The following ZNF182 variants were observed in gnomAD, a reference collection of about 807,000 sequenced individuals.
ZNF182 encodes zinc finger protein 182.
ZNF182 carries 10 observed loss-of-function variants against 28.1 expected under a neutral mutation model. The ratio of observed to expected loss-of-function variants is 0.36; its 90% CI spans 0.22 to 0.60. The LOEUF is 0.60. Ranked by LOEUF, ZNF182 falls within the 20% of genes least tolerant of loss-of-function variation. The pLI, the probability that ZNF182 is intolerant of heterozygous loss-of-function variation, is 0.75. For synonymous variants in ZNF182, 156 were observed against 158.7 expected (o/e 0.98, Z 0.13); for missense variants, 352 against 453.2 (o/e 0.78, Z 2.03).
chrX:48,002,526 AG>A (rs2058981580), intron 3 of ZNF182, 68 bp downstream of exon 3: 1 of 1,169,076 alleles, frequency 8.6e-7, no homozygotes, highest in Non-Finnish European at 1.2e-6. Context: ...ATTTTATGGC[AG>A]GGATTTCCAC....
At chrX:47,980,551 A>G (rs781821118) in intron 5 of ZNF182, among the ~76,000 whole-genome samples, 1 of 112,227 alleles carries the variant, frequency 8.9e-6, no homozygotes, top group African/African-American at 3.2e-5. Context: ...ACATCACACC[A>G]TACTCCATAA....
In ZNF182 at chrX:47,983,274, G is replaced by A; in HGVS notation, c.142+11C>T. 1.7e-6 allele frequency: 2 copies of A among 1,211,263 alleles called. No individual in the cohort carries two copies. ...ATAAACTGCAAAATTACCTAAGGAAGCTATTCTTACCCACAAAGACCAAGT... is the reference window on the plus strand; with the variant it reads ...ATAAACTGCAAAATTACCTAAGGAAACTATTCTTACCCACAAAGACCAAGT... On this transcript the variant is annotated intron_variant, in intron 4 of 5. Transcript: ENST00000376943.
Position 47,983,025 on chromosome X carries a change from G to A in ZNF182, c.156C>T (p.Thr52=), listed in dbSNP as rs368158358. ...SNLVFVGQQV[T]KPNLILKLEV... ...CCAACTTGAGGATGAGGTTTGGTTT[G>A]GTAACCTGCTGCCCTGTTGATGAGA... Residue 52 remains threonine (T), a synonymous_variant, in exon 5 of 6, where the codon ACC becomes ACT. Transcript: ENST00000376943. The A allele has an allele frequency of 2.9e-4, 355 of 1,209,199 alleles. No individual in the cohort carries two copies. Among genetic ancestry groups the A allele is most frequent in the Non-Finnish European group, 3.8e-4 (342 of 894,823 alleles).
rs782220110 is a variant in ZNF182 at position 47,990,215 on chromosome X, T to A, written c.16-6804A>T. On this transcript the variant is annotated intron_variant, in intron 3 of 5. Transcript: ENST00000376943. ...AAAATACAAATCAGGCACCCTCCCCTAAATAATATGGGCAAGAGCCTTCCT... is the reference window on the plus strand; with the variant it reads ...AAAATACAAATCAGGCACCCTCCCCAAAATAATATGGGCAAGAGCCTTCCT... Among the ~76,000 whole-genome samples, 3 of 111,391 alleles carry A rather than the reference T, an allele frequency of 2.7e-5. No homozygotes were observed. The East Asian group carries it at 8.5e-4, about 31-fold the overall frequency.
chrX:47,976,768 G>C lies in ZNF182; in HGVS notation c.1262C>G (p.Thr421Arg), dbSNP rs374396469. Residue 421 changes from threonine (T) to arginine (R), a missense_variant, in exon 6 of 6, where the codon ACG becomes AGG. Transcript: ENST00000376943. ...YECDVCGKTFTQKSNLGVHQR... is the reference protein window; with the variant it reads ...YECDVCGKTFRQKSNLGVHQR... ...ATGTACACCAAGGTTTGACTTTTGC[G>C]TGAAGGTTTTTCCACACACATCACA... The C allele has an allele frequency of 2.5e-6, 3 of 1,208,979 alleles. No homozygotes were observed. Among genetic ancestry groups the C allele is most frequent in the African/African-American group, 3.5e-5 (2 of 56,931 alleles).
chrX:47,976,547 A>T lies in ZNF182; in HGVS notation c.1483T>A (p.Tyr495Asn). Reference sequence around the variant, plus strand: ...GCTTTGCCACATTCATTACATTTATAGGGTTTTTCTTCTGTATGAGTTCTT... The same window carrying T: ...GCTTTGCCACATTCATTACATTTATTGGGTTTTTCTTCTGTATGAGTTCTT... ...HQRTHTEEKP[Y>N]KCNECGKAFR... Residue 495 changes from tyrosine to asparagine, a missense_variant, in exon 6 of 6, where the codon TAT (tyrosine) becomes AAT (asparagine). By Grantham distance (143) the Tyr-to-Asn change is moderately radical. Transcript: ENST00000376943. The T allele has an allele frequency of 8.3e-7, 1 of 1,207,298 alleles. No homozygotes were observed. Among genetic ancestry groups the T allele is most frequent in the Non-Finnish European group, 1.1e-6 (1 of 894,017 alleles).
At chrX:47,994,288 C>T (rs2058950972) in intron 3 of ZNF182, among the ~76,000 whole-genome samples, 1 of 112,294 alleles carries the variant, frequency 8.9e-6, no homozygotes, top group African/African-American at 3.2e-5. Flanking sequence ...CTGTCTACCA[C>T]CAATTCTATA....
intron 2 of ZNF182, among the ~76,000 whole-genome samples, chrX:48,002,914 A>C (rs1223084399): frequency 8.9e-6 from 1 of 112,657 alleles, no homozygotes; most frequent in African/African-American, 3.2e-5. Context: ...CCTTAAGGAA[A>C]TAATTTATCA....
At chrX:47,995,521 G>A (rs1435712664) in intron 3 of ZNF182, among the ~76,000 whole-genome samples, 1 of 111,591 alleles carries the variant, frequency 9.0e-6, no homozygotes, top group Non-Finnish European at 1.9e-5. Context: ...AACAGATTCT[G>A]GGACCTCTGG....
At chrX:47,983,556 T>C (rs782419986) in intron 3 of ZNF182, 145 bp from the exon 4 acceptor site, 24 of 635,664 alleles carry the variant, frequency 3.8e-5, no homozygotes, top group Admixed American at 2.7e-4. Flanking sequence ...TGATCTACTT[T>C]GTGGGAGAAT....
chrX:47,997,332 A>G (rs1361350925), intron 3 of ZNF182, among the ~76,000 whole-genome samples: 1 of 108,587 alleles, frequency 9.2e-6, no homozygotes, highest in Non-Finnish European at 1.9e-5. Flanking sequence ...AAAAAAAAAA[A>G]CACAACATAC....
Position 47,976,378 on chromosome X carries a change from T to C in ZNF182, c.1652A>G (p.Tyr551Cys). ...HQRTHTGEKP[Y>C]ACTECGKAFR... Reference sequence around the variant, plus strand: ...GGCTTTGCCACACTCAGTGCATGCATAGGGTTTCTCTCCCGTGTGCGTTCT... The same window carrying C: ...GGCTTTGCCACACTCAGTGCATGCACAGGGTTTCTCTCCCGTGTGCGTTCT... Residue 551 changes from tyrosine (Y) to cysteine (C), a missense_variant, in exon 6 of 6, where the codon TAT becomes TGT. Transcript: ENST00000376943. 1 of 1,210,546 alleles carries C rather than the reference T, an allele frequency of 8.3e-7. No individual in the cohort carries two copies.
chrX:48,003,139 C>T (rs1569413040), intron 2 of ZNF182, among the ~76,000 whole-genome samples: 1 of 111,366 alleles, frequency 9.0e-6, no homozygotes, highest in South Asian at 3.7e-4. Context: ...AAAAGGTGTA[C>T]AAAAAAATCC....
rs1206367518 is a variant in ZNF182, at chrX:47,974,974, C to T, written c.*1193G>A. 5 of 111,518 alleles carry T rather than the reference C, an allele frequency of 4.5e-5. No homozygotes were observed. Among genetic ancestry groups the T allele is most frequent in the Non-Finnish European group, 9.4e-5 (5 of 53,074 alleles). 9.2% of individuals were successfully genotyped at this position (111,518 alleles called of 1,213,427 possible). ...CTCTCAATTCCATCCCCCCAGCCAC[C>T]ACTGCCCCTTCCCCTCCCAAGGTAA... On this transcript the variant is annotated 3_prime_UTR_variant, in exon 6 of 6. Transcript: ENST00000376943.
At chrX:47,999,916 A>T (rs1169985820) in intron 3 of ZNF182, among the ~76,000 whole-genome samples, 1 of 111,609 alleles carries the variant, frequency 9.0e-6, no homozygotes, top group African/African-American at 3.3e-5. Flanking sequence ...CAGGCAGATC[A>T]TCTGAGGTCA....
At chrX:47,987,996 C>T (rs970645008) in intron 3 of ZNF182, among the ~76,000 whole-genome samples, 23 of 111,273 alleles carry the variant, frequency 2.1e-4, no homozygotes, top group African/African-American at 7.2e-4. Context: ...TATAGTTTGG[C>T]TATCTCTCCC....
chrX:47,995,882 G>C (rs1556901023), intron 3 of ZNF182, among the ~76,000 whole-genome samples: 1 of 112,560 alleles, frequency 8.9e-6, no homozygotes, highest in Non-Finnish European at 1.9e-5. Context: ...GAAAACAACA[G>C]TCCACTGAAA....
chrX:47,995,912 TCTC>T (rs1188880318), intron 3 of ZNF182, among the ~76,000 whole-genome samples: 1 of 112,013 alleles, frequency 8.9e-6, no homozygotes, highest in Non-Finnish European at 1.9e-5. Context: ...GCAGTAAAAA[TCTC>T]CTTCAGAAAT....
rs147324615 is a variant in ZNF182 at position 47,986,146 on chromosome X, T to A, written c.16-2735A>T. On this transcript the variant is annotated intron_variant, in intron 3 of 5. Coordinates refer to ENST00000376943, the MANE Select transcript of ZNF182 (RefSeq NM_001007088.2). ...CTTCAGGAATGAAGGTTTGGGTCAC[T>A]CTACTGGGTAAAACACCACAATCCA... Among the ~76,000 whole-genome samples the A allele has an allele frequency of 4.6e-3, 521 of 112,268 alleles. 5 individuals carry two copies. The highest frequency in any genetic ancestry group is 0.017 in the African/African-American group (513 of 30,881).
Sources: gnomAD v4.1 joint callset for allele counts (sites outside exome capture counted in the v4.1 genomes callset) on GRCh38, gnomAD v4.1.1 for gene constraint, MANE v1.5 for transcripts, NCBI Gene and HGNC (gene_info 2026-07-23, HGNC 2026-07-21) for gene names.